RANBP2: variants seen among roughly 807,000 people sequenced by gnomAD.
The protein encoded by RANBP2 is RAN binding protein 2.
A neutral mutation model predicts 303.6 loss-of-function variants in RANBP2; 57 were observed. The ratio of observed to expected loss-of-function variants is 0.19; its 90% CI spans 0.15 to 0.23. RANBP2 has a LOEUF of 0.23. Ranked by LOEUF, RANBP2 falls within the 10% of genes least tolerant of loss-of-function variation. The pLI, the probability that RANBP2 is intolerant of heterozygous loss-of-function variation, is 1.00. For synonymous variants in RANBP2, 1,167 were observed against 1,301.5 expected (o/e 0.90, Z 2.23); for missense variants, 3,138 against 3,780.8 (o/e 0.83, Z 4.46).
chr2:109,222,259 A>G, the RANBP2 span, among the ~76,000 whole-genome samples: 4 of 152,334 alleles, frequency 2.6e-5, no homozygotes, highest in Admixed American at 1.3e-4. Flanking sequence ...GTCAGAAGGA[A>G]TGAATTCTCG....
chr2:108,757,506 C>T (rs529599979), intron 17 of RANBP2, among the ~76,000 whole-genome samples: 5 of 152,222 alleles, frequency 3.3e-5, no homozygotes, highest in South Asian at 2.1e-4. Flanking sequence ...GTGCATTGGA[C>T]GTATTATTAT....
At chr2:109,047,037 G>A in the RANBP2 span, among the ~76,000 whole-genome samples, 3 of 152,000 alleles carry the variant, frequency 2.0e-5, no homozygotes, top group Non-Finnish European at 4.4e-5. Flanking sequence ...CTGGACGTGG[G>A]TGGCAGCCTT....
the RANBP2 span, among the ~76,000 whole-genome samples, chr2:109,455,389 A>G: frequency 1.3e-5 from 2 of 152,184 alleles, no homozygotes; most frequent in East Asian, 1.9e-4. Context: ...TGCAAACCCA[A>G]TTTGGTCTGA....
chr2:109,676,314 G>A, the RANBP2 span, among the ~76,000 whole-genome samples: 4 of 152,252 alleles, frequency 2.6e-5, 1 homozygote, highest in South Asian at 4.1e-4. Flanking sequence ...CCCAGTGCCC[G>A]CCTCCACTGT....
At chr2:109,059,313 C>T in the RANBP2 span, among the ~76,000 whole-genome samples, 12 of 152,286 alleles carry the variant, frequency 7.9e-5, no homozygotes, top group East Asian at 1.2e-3. Context: ...AGGTGGCTCA[C>T]GCCTGTAATC....
chr2:108,822,183 C>G, the RANBP2 span, among the ~76,000 whole-genome samples: 1 of 152,004 alleles, frequency 6.6e-6, no homozygotes, highest in African/African-American at 2.4e-5. Flanking sequence ...ACAAAATATA[C>G]TTTACGTCAA....
the RANBP2 span, among the ~76,000 whole-genome samples, chr2:109,441,631 T>C: frequency 6.6e-6 from 1 of 152,140 alleles, no homozygotes. Context: ...GAAAAATGAT[T>C]TGAAGAAATA....
At position 108,723,340 on chromosome 2, in the gene RANBP2, C is replaced by T. The variant is rs558744566; in HGVS notation, c.72+3662C>T. On this transcript the variant is annotated intron_variant, in intron 1 of 28. Coordinates refer to ENST00000283195, the MANE Select transcript of RANBP2 (RefSeq NM_006267.5). ...TATCGTCCAGGCTGGAGTGCAGTGG[C>T]GCGATCTCGGCTCACTGCAAACTCT... 3.5e-4 allele frequency among the ~76,000 whole-genome samples: 53 copies of T among 149,758 alleles called. No homozygotes were observed. The South Asian group carries it at 4.0e-3, about 11-fold the overall frequency.
chr2:109,477,416 C>T, the RANBP2 span, among the ~76,000 whole-genome samples: 1 of 152,328 alleles, frequency 6.6e-6, no homozygotes, highest in South Asian at 2.1e-4. Flanking sequence ...TTCATTCTTA[C>T]CTCCCCAACC....
intron 17 of RANBP2, 101 bp from the exon 18 acceptor site, chr2:108,758,312 A>AC: frequency 1.3e-6 from 2 of 1,528,176 alleles, no homozygotes; most frequent in African/African-American, 1.4e-5. Flanking sequence ...AAAAAAAAAA[A>AC]ATCAGTTATT....
chr2:108,755,107 A>C, intron 16 of RANBP2, 23 bp downstream of exon 16: 1 of 1,611,966 alleles, frequency 6.2e-7, no homozygotes, highest in Non-Finnish European at 8.5e-7. Context: ...GAATGGAATC[A>C]TTTCATTGTG....
At chr2:109,641,364 C>T in the RANBP2 span, among the ~76,000 whole-genome samples, 10 of 152,094 alleles carry the variant, frequency 6.6e-5, no homozygotes, top group East Asian at 1.9e-4. Flanking sequence ...GATGGATGAA[C>T]GGATAAGCAA....
Position 108,780,751 on chromosome 2 carries a change from C to T in RANBP2, c.8600-518C>T, listed in dbSNP as rs1271027827. ...TGAGACGGAGTTTCACTCTTGTTGC[C>T]CAGGCTGGAGTGCAATGGTGCCATC... On this transcript the variant is annotated intron_variant, in intron 25 of 28. Transcript: ENST00000283195. 3.3e-5 allele frequency among the ~76,000 whole-genome samples: 5 copies of T among 151,540 alleles called. No homozygotes were observed. The South Asian group carries it at 6.2e-4, about 19-fold the overall frequency.
chr2:108,809,448 T>TTG, the RANBP2 span, among the ~76,000 whole-genome samples: 5,323 of 141,150 alleles, frequency 0.038, 126 homozygotes, highest in African/African-American at 0.073. Context: ...ACATGAAATG[T>TTG]TGTGTGTGTG....
chr2:109,130,219 C>A, the RANBP2 span: 2 of 1,078,198 alleles, frequency 1.9e-6, no homozygotes, highest in Non-Finnish European at 1.2e-6. Flanking sequence ...ACGGGTGGTC[C>A]TGCGTTGGCC....
At position 108,749,126 on chromosome 2, in the gene RANBP2, G is replaced by A. The variant is rs761793907; in HGVS notation, c.1270G>A (p.Val424Ile). 1.2e-6 allele frequency: 2 copies of A among 1,611,810 alleles called. No individual in the cohort carries two copies. The highest frequency in any genetic ancestry group is 2.7e-5 in the African/African-American group (2 of 74,830). ...PELEDLTRYDVGAIRAHNGSL... is the reference protein window; with the variant it reads ...PELEDLTRYDIGAIRAHNGSL... The stretch of plus-strand genomic sequence containing the variant: ...GCTTGAAGATTTGACTAGATACGAT[G>A]TTGGTAAGTTATATGTTTCAGAGGA... The change falls in exon 9 of 29, where the codon GTT becomes ATT. Residue 424 changes from valine (V) to isoleucine (I), a missense_variant. Around this residue, in one of 20 missense-constraint regions of RANBP2, gnomAD observed 95 missense variants for 86.4 expected, o/e 1.10. Transcript: ENST00000283195.
chr2:109,184,516 G>A, the RANBP2 span, among the ~76,000 whole-genome samples: 3 of 152,234 alleles, frequency 2.0e-5, no homozygotes, highest in East Asian at 1.9e-4. Flanking sequence ...AGTCCTGTGC[G>A]GATAGAGCTG....
the RANBP2 span, among the ~76,000 whole-genome samples, chr2:109,640,919 C>A: frequency 6.6e-6 from 1 of 152,120 alleles, no homozygotes; most frequent in South Asian, 2.1e-4. Context: ...CCTCCTGACA[C>A]TTGGAGGCTA....
the RANBP2 span, among the ~76,000 whole-genome samples, chr2:108,931,527 G>A: frequency 6.6e-6 from 1 of 152,184 alleles, no homozygotes; most frequent in Admixed American, 6.5e-5. Flanking sequence ...GTCCATCAAA[G>A]TGGACAAGTC....
Sources: gnomAD v4.1 joint callset for allele counts (sites outside exome capture counted in the v4.1 genomes callset) on GRCh38, gnomAD v4.1.1 for gene constraint, gnomAD v4.1.1 regional missense constraint, MANE v1.5 for transcripts, NCBI Gene and HGNC (gene_info 2026-07-23, HGNC 2026-07-21) for gene names.